Variants in BCL11A observed in about 807,000 individuals in gnomAD.
BCL11A encodes the protein B cell CLL/lymphoma 11A.
BCL11A carries 2 observed loss-of-function variants against 55.9 expected under a neutral mutation model. That is an observed-to-expected ratio of 0.04 (90% CI 0.01 to 0.11). BCL11A has a LOEUF of 0.11. Among genes scored for constraint, BCL11A ranks in the 10% least tolerant of loss-of-function variants. The probability of loss-of-function intolerance (pLI) is 1.00; values close to 1 mark genes in which losing one functional copy is unlikely to be tolerated. For synonymous variants in BCL11A, 465 were observed against 473.4 expected, an observed-to-expected ratio of 0.98 and a Z score of 0.23; for missense variants, 817 against 1,137.1, an observed-to-expected ratio of 0.72 and a Z score of 4.05.
At chr2:60,482,768 T>A (rs146643502) in intron 2 of BCL11A, among the ~76,000 whole-genome samples, 1 of 152,354 alleles carries the variant, frequency 6.6e-6, no homozygotes, top group East Asian at 1.9e-4. Context: ...AGTACCACAC[T>A]ACATTTAACT....
Position 60,513,393 on chromosome 2 carries a change from G to A in BCL11A, c.385+32578C>T, listed in dbSNP as rs533414883. The stretch of plus-strand genomic sequence containing the variant: ...TCTGCCGGGTGCTTCTGGAGATGCT[G>A]CCTCCACGCCCCACTTGAGGCTGTC... On this transcript the variant is annotated intron_variant, in intron 2 of 3. Coordinates refer to ENST00000642384, the MANE Select transcript of BCL11A (RefSeq NM_022893.4). Among the ~76,000 whole-genome samples the A allele has an allele frequency of 2.8e-3, 431 of 152,300 alleles. 2 individuals are homozygous for A. Among genetic ancestry groups the A allele is most frequent in the African/African-American group, 1.0e-2 (415 of 41,554 alleles).
At chr2:60,502,202 G>A (rs1679330082) in intron 2 of BCL11A, among the ~76,000 whole-genome samples, 1 of 152,182 alleles carries the variant, frequency 6.6e-6, no homozygotes, top group African/African-American at 2.4e-5. Flanking sequence ...TCAGAGATCA[G>A]GTCCCTCCAA....
At chr2:60,508,014 C>T (rs748350218) in intron 2 of BCL11A, among the ~76,000 whole-genome samples, 2 of 152,032 alleles carry the variant, frequency 1.3e-5, no homozygotes, top group Non-Finnish European at 2.9e-5. Context: ...TATGGGGTTA[C>T]GGATAATGCC....
At chr2:60,485,236 A>G (rs1359245134) in intron 2 of BCL11A, among the ~76,000 whole-genome samples, 1 of 152,208 alleles carries the variant, frequency 6.6e-6, no homozygotes, top group Non-Finnish European at 1.5e-5. Flanking sequence ...TTACTGGCTT[A>G]TGAAATGCAA....
chr2:60,459,619 A>G lies in BCL11A; in HGVS notation c.*785T>C. The G allele has an allele frequency of 4.9e-6, 5 of 1,030,428 alleles. No individual in the cohort carries two copies. The highest frequency in any genetic ancestry group is 5.8e-6 in the Non-Finnish European group (5 of 856,754). The allele number at this position is 1,030,428 out of a possible 1,614,324, so 63.8% of individuals were successfully genotyped here. A position where few individuals can be genotyped will look rare whatever the true frequency, so the allele number is the denominator to read the frequency against. On this transcript the variant is annotated 3_prime_UTR_variant, in exon 4 of 4. Coordinates refer to ENST00000642384, the MANE Select transcript of BCL11A (RefSeq NM_022893.4). ...TTATTACCTCACCCAATGCTGAATT[A>G]AGCTACAAGTTTATAACAAGTAGAA...
chr2:60,481,351 A>C (rs1677946263), intron 2 of BCL11A, among the ~76,000 whole-genome samples: 1 of 152,092 alleles, frequency 6.6e-6, no homozygotes, highest in African/African-American at 2.4e-5. Context: ...GGAAAAGTAA[A>C]AACATTCAGA....
chr2:60,488,308 G>T (rs1208568668), intron 2 of BCL11A, among the ~76,000 whole-genome samples: 1 of 152,204 alleles, frequency 6.6e-6, no homozygotes, highest in Admixed American at 6.5e-5. Flanking sequence ...TCTCTTTGGT[G>T]CAGTGGGAAT....
intron 2 of BCL11A, among the ~76,000 whole-genome samples, chr2:60,531,803 C>T (rs953108555): frequency 1.3e-5 from 2 of 152,182 alleles, no homozygotes; most frequent in Non-Finnish European, 2.9e-5. Flanking sequence ...CAGGCTGCTT[C>T]CCTCTTCCTA....
At chr2:60,473,340 G>C (rs1677324176) in intron 2 of BCL11A, among the ~76,000 whole-genome samples, 1 of 150,896 alleles carries the variant, frequency 6.6e-6, no homozygotes, top group South Asian at 2.1e-4. Flanking sequence ...CTTTCACCCT[G>C]GGTCTTCAAA....
intron 2 of BCL11A, among the ~76,000 whole-genome samples, chr2:60,519,124 T>C (rs1384603514): frequency 6.6e-6 from 1 of 152,096 alleles, no homozygotes; most frequent in Non-Finnish European, 1.5e-5. Context: ...CCAAGAAGCT[T>C]CTTTTCTCCC....
rs2103812554 is a variant in BCL11A, at chr2:60,459,916, G to A, written c.*488C>T. 1 of 1,058,502 alleles carries A rather than the reference G, an allele frequency of 9.4e-7. No individual in the cohort carries two copies. Among genetic ancestry groups the A allele is most frequent in the Non-Finnish European group, 1.1e-6 (1 of 875,044 alleles). The allele number at this position is 1,058,502 out of a possible 1,614,324, so 65.6% of individuals were successfully genotyped here. A position where few individuals can be genotyped will look rare whatever the true frequency, so the allele number is the denominator to read the frequency against. On this transcript the variant is annotated 3_prime_UTR_variant, in exon 4 of 4. Transcript: ENST00000642384. ...CTGTACATGATATGTATTACAGAAT[G>A]TATGCAGCATGGTCTTTTTCTCTCT...
At chr2:60,533,013 C>A (rs1669526494) in intron 2 of BCL11A, 1 of 152,184 alleles carries the variant, frequency 6.6e-6, no homozygotes. Context: ...ACCCTGGGTA[C>A]ACTAGATTAT....
chr2:60,550,958 G>C (rs1353550087), intron 1 of BCL11A: 3 of 397,574 alleles, frequency 7.5e-6, no homozygotes, highest in African/African-American at 4.1e-5. Flanking sequence ...AGAGCGGCGA[G>C]GGAGGGATGC....
chr2:60,530,598 C>CT (rs113041831), intron 2 of BCL11A, among the ~76,000 whole-genome samples: 43 of 145,096 alleles, frequency 3.0e-4, no homozygotes, highest in Non-Finnish European at 4.1e-4. Flanking sequence ...CTGTGCGTCT[C>CT]TTTTTTTTTT....
intron 1 of BCL11A, among the ~76,000 whole-genome samples, chr2:60,550,714 A>G (rs916347988): frequency 2.6e-5 from 4 of 152,156 alleles, no homozygotes; most frequent in African/African-American, 9.7e-5. Flanking sequence ...CCCAGCCTAG[A>G]GTGTCCCAAG....
chr2:60,497,384 A>G (rs562328916), intron 2 of BCL11A, among the ~76,000 whole-genome samples: 15 of 152,338 alleles, frequency 9.8e-5, no homozygotes, highest in Middle Eastern at 3.4e-3. Context: ...AGCATATATG[A>G]ACTGTCTTTA....
At position 60,494,343 on chromosome 2, in the gene BCL11A, C is replaced by A. The variant is rs537288649; in HGVS notation, c.386-25510G>T. On this transcript the variant is annotated intron_variant, in intron 2 of 3. Transcript: ENST00000642384. ...GCAGTGACCATGGCCTGGTCACCTC[C>A]CCACTCTGGACCTGGGTTGCCCCTC... Among the ~76,000 whole-genome samples, 38 of 152,266 alleles carry A rather than the reference C, an allele frequency of 2.5e-4. No homozygotes were observed. The Middle Eastern group carries it at 0.01, about 41-fold the overall frequency.
chr2:60,553,673 G>A, upstream of BCL11A: 1 of 239,088 alleles, frequency 4.2e-6, no homozygotes. Flanking sequence ...CATGGGCAGG[G>A]CGAGCAGGAG....
chr2:60,551,216 A>T (rs1279294842), intron 1 of BCL11A, among the ~76,000 whole-genome samples: 1 of 152,186 alleles, frequency 6.6e-6, no homozygotes. Flanking sequence ...CTTGCTGCCA[A>T]ACTTTCCTAA....
Sources: gnomAD v4.1 joint callset for allele counts (sites outside exome capture counted in the v4.1 genomes callset) on GRCh38, gnomAD v4.1.1 for gene constraint, MANE v1.5 for transcripts, NCBI Gene and HGNC (gene_info 2026-07-23, HGNC 2026-07-21) for gene names.